The following SCHIP1 variants were observed in gnomAD, a reference collection of about 807,000 sequenced individuals.
SCHIP1 encodes schwannomin-interacting protein 1.
Under a neutral mutation model 29.7 loss-of-function variants are expected in SCHIP1, and 8 were observed. That is an observed-to-expected ratio of 0.27 (90% confidence interval 0.16 to 0.49). The LOEUF is 0.49. SCHIP1 is among the 20% of genes least tolerant of loss of function. SCHIP1 has a pLI of 0.99. For synonymous variants in SCHIP1, 76 were observed against 94.9 expected, an observed-to-expected ratio of 0.80 and a Z score of 1.16; for missense variants, 193 against 294.6, an observed-to-expected ratio of 0.66 and a Z score of 2.52.
the SCHIP1 span, among the ~76,000 whole-genome samples, chr3:159,385,355 C>T: frequency 2.6e-5 from 4 of 152,080 alleles, no homozygotes; most frequent in African/African-American, 7.2e-5. Context: ...GCCAGGAGTT[C>T]GAGACCAGCC....
chr3:159,538,082 A>G, the SCHIP1 span, among the ~76,000 whole-genome samples: 2 of 152,200 alleles, frequency 1.3e-5, no homozygotes, highest in Non-Finnish European at 2.9e-5. Flanking sequence ...AGCAGAGCAC[A>G]TCACTTACGT....
At chr3:159,679,050 C>T in the SCHIP1 span, among the ~76,000 whole-genome samples, 4 of 152,148 alleles carry the variant, frequency 2.6e-5, no homozygotes, top group Non-Finnish European at 5.9e-5. Context: ...GAATAATGCC[C>T]AAAGGATTCG....
chr3:159,538,667 C>A, the SCHIP1 span, among the ~76,000 whole-genome samples: 1 of 152,094 alleles, frequency 6.6e-6, no homozygotes, highest in Non-Finnish European at 1.5e-5. Context: ...TTTTAGGAAG[C>A]ATTGGTTTTG....
chr3:159,599,043 T>G, the SCHIP1 span, among the ~76,000 whole-genome samples: 1 of 152,208 alleles, frequency 6.6e-6, no homozygotes, highest in Non-Finnish European at 1.5e-5. Flanking sequence ...TATTTGCTTT[T>G]GGTTTCTATT....
chr3:159,567,627 A>G, the SCHIP1 span, among the ~76,000 whole-genome samples: 1 of 152,154 alleles, frequency 6.6e-6, no homozygotes, highest in African/African-American at 2.4e-5. Flanking sequence ...CTTGTTGGTC[A>G]AATTTTTTTC....
the SCHIP1 span, among the ~76,000 whole-genome samples, chr3:159,502,785 T>C: frequency 1.3e-5 from 2 of 152,164 alleles, no homozygotes; most frequent in Non-Finnish European, 2.9e-5. Context: ...GCAGCCACAA[T>C]GGCCTTTCTA....
chr3:159,531,243 T>C, the SCHIP1 span, among the ~76,000 whole-genome samples: 10 of 152,304 alleles, frequency 6.6e-5, no homozygotes, highest in Non-Finnish European at 1.3e-4. Context: ...GGGATAACCA[T>C]ATTAATTACT....
the SCHIP1 span, among the ~76,000 whole-genome samples, chr3:159,448,937 A>G: frequency 1.3e-5 from 2 of 152,200 alleles, no homozygotes; most frequent in Non-Finnish European, 2.9e-5. Context: ...GTCAACTTTC[A>G]TGTCTACTCC....
At chr3:159,776,921 A>G in the SCHIP1 span, among the ~76,000 whole-genome samples, 1 of 152,080 alleles carries the variant, frequency 6.6e-6, no homozygotes, top group Non-Finnish European at 1.5e-5. Context: ...AACCCACTGG[A>G]GCAGTGGGCC....
At chr3:159,749,124 AGTT>A in the SCHIP1 span, among the ~76,000 whole-genome samples, 1 of 151,988 alleles carries the variant, frequency 6.6e-6, no homozygotes, top group African/African-American at 2.4e-5. Context: ...AAATACAAAA[AGTT>A]AGCCGGGTGT....
At chr3:159,368,623 G>T in the SCHIP1 span, among the ~76,000 whole-genome samples, 1,209 of 152,234 alleles carry the variant, frequency 7.9e-3, 18 homozygotes, top group African/African-American at 0.027. Flanking sequence ...ACCCTCTAAG[G>T]TAGCCTTTGC....
chr3:159,303,882 T>A, the SCHIP1 span, among the ~76,000 whole-genome samples: 1 of 152,220 alleles, frequency 6.6e-6, no homozygotes, highest in African/African-American at 2.4e-5. Flanking sequence ...ATTATTATAC[T>A]TTAAGTTTTA....
chr3:159,506,729 C>G, the SCHIP1 span, among the ~76,000 whole-genome samples: 2 of 152,100 alleles, frequency 1.3e-5, no homozygotes, highest in African/African-American at 4.8e-5. Context: ...AGGGAATCCT[C>G]TCCCCATTTC....
At chr3:159,510,250 T>C in the SCHIP1 span, among the ~76,000 whole-genome samples, 2 of 152,250 alleles carry the variant, frequency 1.3e-5, no homozygotes, top group Non-Finnish European at 2.9e-5. Flanking sequence ...TTTCTTCCAG[T>C]TGATTGAATC....
At chr3:159,500,858 A>G in the SCHIP1 span, among the ~76,000 whole-genome samples, 1 of 152,148 alleles carries the variant, frequency 6.6e-6, no homozygotes, top group African/African-American at 2.4e-5. Context: ...CATATTTTTC[A>G]TAATTCTATG....
chr3:159,745,280 A>G, the SCHIP1 span, among the ~76,000 whole-genome samples: 1 of 152,184 alleles, frequency 6.6e-6, no homozygotes, highest in Non-Finnish European at 1.5e-5. Context: ...CACTTCTTTG[A>G]ACCTCTTCCA....
chr3:159,289,015 A>C, the SCHIP1 span, among the ~76,000 whole-genome samples: 1 of 152,166 alleles, frequency 6.6e-6, no homozygotes, highest in Admixed American at 6.5e-5. Context: ...CTTTACCACT[A>C]TTCCATCTTT....
At chr3:159,318,115 G>A in the SCHIP1 span, among the ~76,000 whole-genome samples, 1 of 152,122 alleles carries the variant, frequency 6.6e-6, no homozygotes, top group Non-Finnish European at 1.5e-5. Context: ...TTTGTTCATG[G>A]GTCCATTGGG....
intron 2 of SCHIP1, among the ~76,000 whole-genome samples, chr3:159,867,066 T>G (rs1431542524): frequency 3.9e-5 from 6 of 152,112 alleles, no homozygotes; most frequent in Non-Finnish European, 8.8e-5. Context: ...CTTTGATTAG[T>G]GAAAGTATAG....
Sources: allele counts gnomAD v4.1 joint callset (sites outside exome capture counted in the v4.1 genomes callset), GRCh38; gene constraint gnomAD v4.1.1; transcripts MANE v1.5; gene names NCBI Gene and HGNC (gene_info 2026-07-23, HGNC 2026-07-21).